Variants in KANSL1 observed in about 807,000 individuals in gnomAD.
The protein encoded by KANSL1 is MLL1/MLL complex subunit KANSL1.
Under a neutral mutation model 103.6 loss-of-function variants are expected in KANSL1, and 22 were observed. That is an observed-to-expected ratio of 0.21 (90% CI 0.15 to 0.30). The LOEUF (loss-of-function observed/expected upper bound fraction) is 0.30. Among genes scored for constraint, KANSL1 ranks in the 10% least tolerant of loss-of-function variants. The probability of loss-of-function intolerance (pLI) is 1.00; values close to 1 mark genes in which losing one functional copy is unlikely to be tolerated. For missense variants in KANSL1, 1,337 were observed against 1,399.8 expected (o/e 0.96, Z 0.72); for synonymous variants, 600 against 527.6 (o/e 1.14, Z -1.88).
At chr17:46,179,662 T>C (rs1330336067) in intron 1 of KANSL1, among the ~76,000 whole-genome samples, 1 of 152,244 alleles carries the variant, frequency 6.6e-6, no homozygotes, top group Non-Finnish European at 1.5e-5. Context: ...TAAAATGTCA[T>C]TATGCAAAAG....
chr17:46,038,883 C>T, intron 9 of KANSL1, 144 bp downstream of exon 9: 3 of 1,158,436 alleles, frequency 2.6e-6, no homozygotes, highest in Non-Finnish European at 3.7e-6. Flanking sequence ...AAGTGACCTC[C>T]ATTTAGAAGC....
intron 7 of KANSL1, 32 bp from the exon 8 acceptor site, chr17:46,039,916 C>T (rs748817253): frequency 2.6e-5 from 42 of 1,604,556 alleles, no homozygotes; most frequent in Non-Finnish European, 3.3e-5. Context: ...ACAGGTTAGT[C>T]CAAACACCTG....
intron 1 of KANSL1, among the ~76,000 whole-genome samples, chr17:46,213,198 G>A (rs575419199): frequency 1.9e-4 from 29 of 152,302 alleles, no homozygotes; most frequent in South Asian, 1.2e-3. Context: ...AATTATACAC[G>A]GTAATAAAAA....
chr17:46,119,894 G>A (rs982956234), intron 2 of KANSL1: 5 of 152,114 alleles, frequency 3.3e-5, no homozygotes, highest in Non-Finnish European at 7.3e-5. Flanking sequence ...ACACCCAACG[G>A]TGCTCCTCAC....
intron 2 of KANSL1, among the ~76,000 whole-genome samples, chr17:46,143,497 AAAAT>A (rs67732273): frequency 0.14 from 21,854 of 151,664 alleles, 2,128 homozygotes; most frequent in Middle Eastern, 0.22. Flanking sequence ...TTCGTCTCAA[AAAAT>A]AAATAAATAA....
At chr17:46,066,900 CT>C (rs1313875881) in intron 5 of KANSL1, among the ~76,000 whole-genome samples, 168 bp from the exon 6 acceptor site, 9 of 152,212 alleles carry the variant, frequency 5.9e-5, no homozygotes, top group African/African-American at 1.4e-4. Context: ...CTCTTGATGT[CT>C]GTTAATCTAC....
Position 46,038,434 on chromosome 17 carries a change from A to G in KANSL1, c.2541+104T>C, listed in dbSNP as rs552093409. On this transcript the variant is annotated intron_variant, in intron 10 of 14. Transcript: ENST00000432791. ...GTCATGATGAGCTGAGATCCTATAA[A>G]TGCCCTGGGCTTTATAACCCACCCT... is the stretch of plus-strand genomic sequence containing the variant. 67 of 1,238,854 alleles carry G rather than the reference A, an allele frequency of 5.4e-5. No homozygotes were observed. The African/African-American group carries it at 8.3e-4, about 15-fold the overall frequency. The allele number at this position is 1,238,854 out of a possible 1,614,324, so 76.7% of individuals were successfully genotyped here. A position where few individuals can be genotyped will look rare whatever the true frequency, so the allele number is the denominator to read the frequency against.
intron 1 of KANSL1, among the ~76,000 whole-genome samples, chr17:46,216,042 T>C (rs931041272): frequency 1.3e-5 from 2 of 151,052 alleles, no homozygotes; most frequent in East Asian, 2.0e-4. Context: ...TCCGTCTCAA[T>C]AGTAATAATA....
chr17:46,179,231 CAT>C (rs1263681098), intron 1 of KANSL1, among the ~76,000 whole-genome samples: 3 of 152,214 alleles, frequency 2.0e-5, no homozygotes, highest in Non-Finnish European at 4.4e-5. Flanking sequence ...TATACACACA[CAT>C]ATATATACTC....
chr17:46,168,925 C>G (rs2046142346), intron 2 of KANSL1, among the ~76,000 whole-genome samples: 1 of 152,164 alleles, frequency 6.6e-6, no homozygotes, highest in Non-Finnish European at 1.5e-5. Context: ...ATTAAACTAT[C>G]CTACAGAATA....
At chr17:46,057,189 C>CCTT (rs2077963610) in intron 6 of KANSL1, among the ~76,000 whole-genome samples, 1 of 152,122 alleles carries the variant, frequency 6.6e-6, no homozygotes, top group South Asian at 2.1e-4. Flanking sequence ...CTTCCCCTAC[C>CCTT]AAAGATCAGA....
chr17:46,157,499 A>G (rs900056902), intron 2 of KANSL1, among the ~76,000 whole-genome samples: 15 of 152,258 alleles, frequency 9.9e-5, no homozygotes, highest in Non-Finnish European at 8.8e-5. Flanking sequence ...AAATATATAC[A>G]TATCATGTCA....
In KANSL1 at chr17:46,038,633, G is replaced by A. The variant is rs1385276351; in HGVS notation, c.2446C>T (p.His816Tyr). ...SSSSYLAATH[H>Y]PPHSPLVRQL... ...CGCACCAAGGGACTGTGTGGAGGAT[G>A]GTGGGTGGCTGCCAAGTAGCTCGAA... is the stretch of plus-strand genomic sequence containing the variant. The change falls in exon 10 of 15, where the codon CAT becomes TAT. Residue 816 changes from histidine to tyrosine, a missense_variant. Coordinates refer to ENST00000432791, the MANE Select transcript of KANSL1 (RefSeq NM_015443.4). 4.3e-6 allele frequency: 7 copies of A among 1,614,182 alleles called. No individual in the cohort carries two copies. Among genetic ancestry groups the A allele is most frequent in the Non-Finnish European group, 5.9e-6 (7 of 1,180,038 alleles).
intron 1 of KANSL1, among the ~76,000 whole-genome samples, chr17:46,183,930 A>T (rs1437956532): frequency 6.6e-6 from 1 of 152,184 alleles, no homozygotes; most frequent in Non-Finnish European, 1.5e-5. Flanking sequence ...AAAAAGAAAG[A>T]AATGAGTAGA....
chr17:46,148,958 A>G (rs2044900879), intron 2 of KANSL1, among the ~76,000 whole-genome samples: 1 of 150,434 alleles, frequency 6.6e-6, no homozygotes, highest in Non-Finnish European at 1.5e-5. Flanking sequence ...TCAAGTTACC[A>G]AATTCAAAAA....
chr17:46,219,106 A>T (rs2048433170), intron 1 of KANSL1, among the ~76,000 whole-genome samples: 1 of 151,082 alleles, frequency 6.6e-6, no homozygotes, highest in Non-Finnish European at 1.5e-5. Context: ...ACTAAAAATA[A>T]AAAAAAAATT....
chr17:46,196,219 C>G (rs2047602441), upstream of KANSL1: 2 of 422,242 alleles, frequency 4.7e-6, no homozygotes, highest in African/African-American at 4.1e-5. Flanking sequence ...ACCTGGGCAA[C>G]AGAGCGAGAC....
chr17:46,139,792 C>A (rs1006717662), intron 2 of KANSL1, among the ~76,000 whole-genome samples: 10 of 151,790 alleles, frequency 6.6e-5, no homozygotes, highest in African/African-American at 2.2e-4. Context: ...TAACCCTCCA[C>A]GAACTGAAAG....
At chr17:46,104,478 T>C (rs534068907) in intron 2 of KANSL1, among the ~76,000 whole-genome samples, 1 of 152,258 alleles carries the variant, frequency 6.6e-6, no homozygotes, top group African/African-American at 2.4e-5. Context: ...TCATGTCATA[T>C]ATATAACTGG....
Sources: allele counts gnomAD v4.1 joint callset (sites outside exome capture counted in the v4.1 genomes callset), GRCh38; gene constraint gnomAD v4.1.1; transcripts MANE v1.5; gene names NCBI Gene and HGNC (gene_info 2026-07-23, HGNC 2026-07-21).